Variants in CCDC171 observed in about 807,000 individuals in gnomAD.
CCDC171 encodes the protein coiled-coil domain containing 171, also known as coiled-coil domain-containing protein 171.
In CCDC171, 177 loss-of-function variants were observed where a neutral mutation model predicts 168.2. The observed-to-expected ratio is 1.05, with a 90% CI of 0.93 to 1.19. The LOEUF (loss-of-function observed/expected upper bound fraction) is 1.19, where lower values mean the gene tolerates loss of function less well. Among genes scored for constraint, CCDC171 ranks in the 50% most tolerant of loss-of-function variants. The pLI, the probability that CCDC171 is intolerant of heterozygous loss-of-function variation, is 0.00. For synonymous variants in CCDC171, 687 were observed against 540.8 expected, an observed-to-expected ratio of 1.27 and a Z score of -3.75; for missense variants, 1,991 against 1,539.0, an observed-to-expected ratio of 1.29 and a Z score of -4.91.
intron 6 of CCDC171, among the ~76,000 whole-genome samples, chr9:16,024,629 T>G (rs1198580644): frequency 2.6e-5 from 4 of 152,248 alleles, no homozygotes; most frequent in African/African-American, 9.6e-5. Context: ...TTTTACCTTC[T>G]GCTGCATGCA....
chr9:15,945,177 A>G (rs1166486362), intron 25 of CCDC171, among the ~76,000 whole-genome samples: 5 of 149,186 alleles, frequency 3.4e-5, no homozygotes, highest in African/African-American at 4.9e-5. Flanking sequence ...ATGATTTCCA[A>G]TTTCATCCAT....
intron 21 of CCDC171, among the ~76,000 whole-genome samples, chr9:15,829,961 A>C (rs1400120314): frequency 1.3e-5 from 2 of 152,198 alleles, no homozygotes; most frequent in African/African-American, 4.8e-5. Context: ...CATTTGCTAT[A>C]ATTATGGCAT....
chr9:15,602,185 C>A (rs2042907435), intron 6 of CCDC171, among the ~76,000 whole-genome samples: 1 of 151,864 alleles, frequency 6.6e-6, no homozygotes, highest in Admixed American at 6.6e-5. Flanking sequence ...AATAGCTTTT[C>A]CTTTTATACA....
At position 15,971,608 on chromosome 9, in the gene CCDC171, G is replaced by A. The variant is rs1001899051; in HGVS notation, c.3754-1G>A. Reference sequence around the variant, plus strand: ...TTATTTTTTTCTTTTGTATGTCACAGATAGGATCACGAGACCATTCAAATC... The same window carrying A: ...TTATTTTTTTCTTTTGTATGTCACAAATAGGATCACGAGACCATTCAAATC... On this transcript the variant is annotated splice_acceptor_variant, in intron 25 of 25. Transcript: ENST00000380701. LOFTEE classifies it high-confidence loss of function. The A allele has an allele frequency of 6.2e-7, 1 of 1,608,340 alleles. No individual in the cohort carries two copies. The highest frequency in any genetic ancestry group is 8.5e-7 in the Non-Finnish European group (1 of 1,176,036).
rs781388036 is a variant in CCDC171, at chr9:15,729,717, A to G, written c.1968A>G (p.Gln656=). 4.3e-6 allele frequency: 7 copies of G among 1,613,542 alleles called. No homozygotes were observed. The highest frequency in any genetic ancestry group is 4.2e-6 in the Non-Finnish European group (5 of 1,179,578). Reference sequence around the variant, plus strand: ...AAGTGGCAGAACAGATCAAAGCCCAAGAGAGCTGCTGGCACAGACAAAAGA... The same window carrying G: ...AAGTGGCAGAACAGATCAAAGCCCAGGAGAGCTGCTGGCACAGACAAAAGA... ...FTKVAEQIKA[Q]ESCWHRQKKE... is the part of the protein sequence containing the mutation. The change falls in exon 16 of 26, where the codon CAA becomes CAG. Residue 656 remains glutamine, a synonymous_variant. Coordinates refer to ENST00000380701, the MANE Select transcript of CCDC171 (RefSeq NM_173550.4).
intron 6 of CCDC171, among the ~76,000 whole-genome samples, chr9:15,613,644 T>TC (rs2043871599): frequency 1.3e-5 from 2 of 151,600 alleles, no homozygotes; most frequent in African/African-American, 4.8e-5. Context: ...TGCCTCAGCC[T>TC]CCCAAGTAGC....
At chr9:15,989,364 G>T (rs899075144) in intron 3 of CCDC171, among the ~76,000 whole-genome samples, 1 of 152,190 alleles carries the variant, frequency 6.6e-6, no homozygotes, top group African/African-American at 2.4e-5. Flanking sequence ...GCAGCTGAGG[G>T]TCCTGACTGT....
In CCDC171 at chr9:15,920,393, T is replaced by A. The variant is rs1330029814; in HGVS notation, c.3724T>A (p.Cys1242Ser). The A allele has an allele frequency of 6.2e-7, 1 of 1,607,410 alleles. No homozygotes were observed. ...CTTGAAATCAGAACTTCACACAGCT[T>A]GTTTACGTGAAAATGCAAGTTTACA... The part of the protein sequence containing the change: ...AALKSELHTA[C>S]LRENASLQSI... The change falls in exon 25 of 26, where the codon TGT becomes AGT. Residue 1242 changes from cysteine (C) to serine (S), a missense_variant. By Grantham distance (112) the Cys-to-Ser change is moderately radical (BLOSUM62 -1). Coordinates refer to ENST00000380701, the MANE Select transcript of CCDC171 (RefSeq NM_173550.4).
upstream of CCDC171, among the ~76,000 whole-genome samples, chr9:16,038,608 A>T (rs1833514892): frequency 6.6e-6 from 1 of 151,938 alleles, no homozygotes; most frequent in South Asian, 2.1e-4. Context: ...AAGAGGAAAT[A>T]AAGAAATCAG....
chr9:15,666,278 A>T lies in CCDC171; in HGVS notation c.1031A>T (p.Glu344Val). 1 of 1,613,720 alleles carries T rather than the reference A, an allele frequency of 6.2e-7. No homozygotes were observed. Among genetic ancestry groups the T allele is most frequent in the East Asian group, 2.2e-5 (1 of 44,852 alleles). The change falls in exon 9 of 26, where the codon GAG (glutamate) becomes GTG (valine). Residue 344 changes from glutamate to valine, a missense_variant. Transcript: ENST00000380701. ...TTCAAAGAAGTTGAAAGTGCATATG[A>T]GCGAGAAAAGCATAATGCACAAGAG... ...NEFKEVESAY[E>V]REKHNAQESF...
At chr9:15,597,152 G>A (rs879645255) in intron 6 of CCDC171, among the ~76,000 whole-genome samples, 72 of 152,010 alleles carry the variant, frequency 4.7e-4, no homozygotes, top group African/African-American at 6.5e-4. Context: ...TCTCCTGCCC[G>A]ATTGCCCTGG....
intron 3 of CCDC171, among the ~76,000 whole-genome samples, chr9:16,020,223 C>T (rs992237090): frequency 6.6e-5 from 10 of 152,134 alleles, no homozygotes; most frequent in African/African-American, 1.4e-4. Context: ...ATACAAATTA[C>T]TTTCAGGCTA....
intron 18 of CCDC171, among the ~76,000 whole-genome samples, chr9:15,761,972 A>G (rs1487389279): frequency 6.6e-6 from 1 of 152,124 alleles, no homozygotes; most frequent in Non-Finnish European, 1.5e-5. Flanking sequence ...CAAATGGATA[A>G]TTCATCCTTG....
intron 18 of CCDC171, among the ~76,000 whole-genome samples, chr9:15,747,666 A>G (rs970833837): frequency 2.0e-5 from 3 of 152,218 alleles, no homozygotes; most frequent in Non-Finnish European, 4.4e-5. Flanking sequence ...GGAGCCTGTT[A>G]GAAGGAAAAC....
At chr9:15,687,360 G>A (rs905448899) in intron 10 of CCDC171, among the ~76,000 whole-genome samples, 1 of 152,010 alleles carries the variant, frequency 6.6e-6, no homozygotes, top group African/African-American at 2.4e-5. Context: ...GGAAGGCTGA[G>A]GTGGGAGAAG....
At chr9:15,738,283 G>C (rs1014152906) in intron 16 of CCDC171, among the ~76,000 whole-genome samples, 2 of 152,160 alleles carry the variant, frequency 1.3e-5, no homozygotes, top group African/African-American at 4.8e-5. Context: ...CAGGAAGTAA[G>C]TCCGTGATTC....
chr9:15,631,673 G>A (rs780913597), intron 7 of CCDC171, among the ~76,000 whole-genome samples: 23 of 152,150 alleles, frequency 1.5e-4, no homozygotes, highest in Non-Finnish European at 2.5e-4. Context: ...CATTTTATGA[G>A]GCCAGCATCA....
At chr9:16,031,704 T>G (rs1477109821) in intron 6 of CCDC171, among the ~76,000 whole-genome samples, 1 of 152,188 alleles carries the variant, frequency 6.6e-6, no homozygotes, top group Non-Finnish European at 1.5e-5. Context: ...AGAGGTACAC[T>G]GAATCATAAT....
At chr9:16,050,110 C>A (rs1586861581) in intron 1 of CCDC171, among the ~76,000 whole-genome samples, 1 of 152,196 alleles carries the variant, frequency 6.6e-6, no homozygotes, top group East Asian at 1.9e-4. Context: ...TGGTCTCGAT[C>A]TCCTGACCTC....
Sources: gnomAD v4.1 joint callset for allele counts (sites outside exome capture counted in the v4.1 genomes callset) on GRCh38, gnomAD v4.1.1 for gene constraint, MANE v1.5 for transcripts, NCBI Gene and HGNC (gene_info 2026-07-23, HGNC 2026-07-21) for gene names.